Variants in COQ2 observed in about 807,000 individuals in gnomAD.
COQ2 encodes 4-hydroxybenzoate polyprenyltransferase, mitochondrial.
Under a neutral mutation model 35.7 loss-of-function variants are expected in COQ2, and 25 were observed. The observed-to-expected ratio is 0.70, with a 90% CI of 0.51 to 0.98. The LOEUF (loss-of-function observed/expected upper bound fraction) is 0.98. COQ2 is among the 50% of genes least tolerant of loss of function. The pLI, the probability that COQ2 is intolerant of heterozygous loss-of-function variation, is 0.00. For missense variants in COQ2, 488 were observed against 473.5 expected (o/e 1.03, Z -0.28); for synonymous variants, 206 against 186.2 (o/e 1.11, Z -0.86).
chr4:83,269,714 G>T, intron 5 of COQ2, 146 bp downstream of exon 5: 2 of 704,022 alleles, frequency 2.8e-6, no homozygotes, highest in Non-Finnish European at 4.2e-6. Flanking sequence ...TTTCTTTTTA[G>T]AAAAAAAAAA....
Position 83,280,648 on chromosome 4 carries a change from A to G in COQ2, c.254-1534T>C, listed in dbSNP as rs552961765. On this transcript the variant is annotated intron_variant, in intron 1 of 6. Transcript: ENST00000647002. ...GACAAGCACAGGGTCCTGCAAAGGC[A>G]TAAAACAAAACTATCTAAGTTAGTT... is the stretch of plus-strand genomic sequence containing the variant. 5.9e-5 allele frequency among the ~76,000 whole-genome samples: 9 copies of G among 152,378 alleles called. No individual in the cohort carries two copies. The East Asian group carries it at 1.7e-3, about 29-fold the overall frequency.
At chr4:83,272,964 C>T (rs1735083642) in intron 3 of COQ2, among the ~76,000 whole-genome samples, 1 of 152,128 alleles carries the variant, frequency 6.6e-6, no homozygotes, top group South Asian at 2.1e-4. Context: ...TTTCTTCTCT[C>T]GCATTGAAGC....
At chr4:83,276,070 T>TTATATATA (rs1553916305) in intron 2 of COQ2, among the ~76,000 whole-genome samples, 1 of 66,622 alleles carries the variant, frequency 1.5e-5, no homozygotes, top group African/African-American at 4.7e-5. Context: ...ATATATATTT[T>TTATATATA]ATATATAATA....
intron 1 of COQ2, 70 bp from the exon 2 acceptor site, chr4:83,279,184 T>A (rs975958498): frequency 2.1e-5 from 30 of 1,441,412 alleles, no homozygotes; most frequent in Middle Eastern, 1.9e-4. Context: ...TGTTTAAACA[T>A]CACATACCAA....
At chr4:83,273,082 C>T (rs1735086951) in intron 3 of COQ2, among the ~76,000 whole-genome samples, 1 of 152,194 alleles carries the variant, frequency 6.6e-6, no homozygotes, top group African/African-American at 2.4e-5. Flanking sequence ...AGTAACACCA[C>T]CCTGGGAAAG....
upstream of COQ2, chr4:83,284,858 C>A (rs764905680): frequency 3.6e-5 from 55 of 1,539,596 alleles, no homozygotes; most frequent in Non-Finnish European, 4.4e-5. Context: ...GTCTGCCAGG[C>A]TGGGCGGCGG....
At chr4:83,283,194 G>T in intron 1 of COQ2, 1 of 831,652 alleles carries the variant, frequency 1.2e-6, no homozygotes, top group Non-Finnish European at 1.4e-6. Context: ...CATAAATCTA[G>T]AATACCAAAA....
At chr4:83,279,156 C>A (rs1241206217) in intron 1 of COQ2, 42 bp from the exon 2 acceptor site, 2 of 1,500,464 alleles carry the variant, frequency 1.3e-6, no homozygotes, top group Non-Finnish European at 1.8e-6. Context: ...AAATTTAAGT[C>A]AGTTAACTGT....
chr4:83,281,341 CAGAA>C (rs1735316105), intron 1 of COQ2: 4 of 152,202 alleles, frequency 2.6e-5, no homozygotes, highest in Admixed American at 2.6e-4. Flanking sequence ...AAATTCTAGA[CAGAA>C]AGACGTGTAA....
intron 1 of COQ2, chr4:83,283,433 G>C (rs1174679869): frequency 1.0e-6 from 1 of 985,294 alleles, no homozygotes; most frequent in East Asian, 1.1e-4. Flanking sequence ...TATTCTTAGT[G>C]TTCTAACACT....
chr4:83,284,718 A>G lies in COQ2; in HGVS notation c.47T>C (p.Val16Ala), dbSNP rs1577994097. The G allele has an allele frequency of 1.3e-6, 2 of 1,508,298 alleles. No homozygotes were observed. Among genetic ancestry groups the G allele is most frequent in the Non-Finnish European group, 1.8e-6 (2 of 1,133,956 alleles). The allele number at this position is 1,508,298 out of a possible 1,614,324, so 93.4% of individuals were successfully genotyped here. A position where few individuals can be genotyped will look rare whatever the true frequency, so the allele number is the denominator to read the frequency against. Residue 16 changes from valine to alanine, a missense_variant, in exon 1 of 7, where the codon GTG (valine) becomes GCG (alanine). Transcript: ENST00000647002. ...AAGFARGLRAVALAWLPGWRG... is the reference protein window; with the variant it reads ...AAGFARGLRAAALAWLPGWRG... The stretch of plus-strand genomic sequence containing the variant: ...CCAGCCCGGCAGCCACGCCAGTGCC[A>G]CAGCCCGCAGGCCCCGCGCGAACCC...
intron 1 of COQ2, chr4:83,283,389 T>C: frequency 3.0e-6 from 3 of 985,458 alleles, no homozygotes; most frequent in Non-Finnish European, 3.6e-6. Context: ...GTTTCCCATT[T>C]TCCACACCCA....
At chr4:83,270,130 T>C in intron 4 of COQ2, 137 bp from the exon 5 acceptor site, 1 of 905,964 alleles carries the variant, frequency 1.1e-6, no homozygotes, top group Non-Finnish European at 1.7e-6. Context: ...GGTTCCTTCC[T>C]TAAACCCTTT....
In COQ2 at chr4:83,269,944, AC is replaced by A. The variant is rs1735007983; in HGVS notation, c.677del (p.Gly226ValfsTer20). On this transcript the variant is annotated frameshift_variant, in exon 5 of 7. Transcript: ENST00000647002. LOFTEE classifies it high-confidence loss of function. ...GCAGGCAAACAGATGGATCACAGGA[AC>A]CCTTGATAGCAGACCATCCAAGTAA... ...GALLGWSAIK[G>X]SCDPSVCLPL... 1 of 1,613,494 alleles carries A rather than the reference AC, an allele frequency of 6.2e-7. No individual in the cohort carries two copies. Among genetic ancestry groups the A allele is most frequent in the Non-Finnish European group, 8.5e-7 (1 of 1,179,702 alleles).
chr4:83,283,993 A>G, intron 1 of COQ2: 1 of 985,464 alleles, frequency 1.0e-6, no homozygotes, highest in Non-Finnish European at 1.2e-6. Flanking sequence ...CCGACTCAGC[A>G]TCAAAACACA....
Position 83,267,618 on chromosome 4 carries a change from G to T in COQ2, c.919C>A (p.Leu307Met). Residue 307 changes from leucine to methionine, a missense_variant, in exon 6 of 7, where the codon CTG (leucine) becomes ATG (methionine). Leu to Met is a conservative substitution (Grantham distance 15, BLOSUM62 2). Coordinates refer to ENST00000647002, the MANE Select transcript of COQ2 (RefSeq NM_001358921.2). Reference sequence around the variant, plus strand: ...GTCAGATGGGCTCCTACAGCACCCAGGGCAGCGTAGTAGGGAGCAGTCTGT... The same window carrying T: ...GTCAGATGGGCTCCTACAGCACCCATGGCAGCGTAGTAGGGAGCAGTCTGT... ...SGQTAPYYAALGAVGAHLTHQ... is the reference protein window; with the variant it reads ...SGQTAPYYAAMGAVGAHLTHQ... The T allele has an allele frequency of 6.3e-7, 1 of 1,586,504 alleles. No homozygotes were observed. The highest frequency in any genetic ancestry group is 1.3e-5 in the African/African-American group (1 of 74,264).
Position 83,269,866 on chromosome 4 carries a change from G to C in COQ2, c.756C>G (p.Ala252=). 1 of 1,583,144 alleles carries C rather than the reference G, an allele frequency of 6.3e-7. No homozygotes were observed. Among genetic ancestry groups the C allele is most frequent in the East Asian group, 2.3e-5 (1 of 43,028 alleles). Residue 252 remains alanine (A), a synonymous_variant, in exon 5 of 7, where the codon GCC becomes GCG. Coordinates refer to ENST00000647002, the MANE Select transcript of COQ2 (RefSeq NM_001358921.2). ...GAAAAGATAATTTCTTTACCTGATG[G>C]GCATAAATAGTATCATATATTAGTG... is the stretch of plus-strand genomic sequence containing the variant. ...MWTLIYDTIY[A]HQDKRDDVLI... is the part of the protein sequence containing the mutation.
chr4:83,279,676 A>G lies in COQ2; in HGVS notation c.254-562T>C, dbSNP rs62303671. On this transcript the variant is annotated intron_variant, in intron 1 of 6. Coordinates refer to ENST00000647002, the MANE Select transcript of COQ2 (RefSeq NM_001358921.2). ...CTGTCAGGAAGAACACACTAGAAAC[A>G]TATAATAATGGTTGCTTCTGAGTAG... is the stretch of plus-strand genomic sequence containing the variant. Among the ~76,000 whole-genome samples, 293 of 152,266 alleles carry G rather than the reference A, an allele frequency of 1.9e-3. 2 individuals are homozygous for G. Among genetic ancestry groups the G allele is most frequent in the Non-Finnish European group, 2.6e-3 (176 of 68,020 alleles).
At chr4:83,270,766 TC>T (rs1203925276) in intron 4 of COQ2, among the ~76,000 whole-genome samples, 5 of 152,170 alleles carry the variant, frequency 3.3e-5, no homozygotes, top group Non-Finnish European at 5.9e-5. Flanking sequence ...CATCTCCATC[TC>T]CAACTCCTTA....
Sources: allele counts gnomAD v4.1 joint callset (sites outside exome capture counted in the v4.1 genomes callset), GRCh38; gene constraint gnomAD v4.1.1; transcripts MANE v1.5; gene names NCBI Gene and HGNC (gene_info 2026-07-23, HGNC 2026-07-21).